The following KTN1 variants were observed in gnomAD, a reference collection of about 807,000 sequenced individuals.
KTN1 encodes kinectin.
KTN1 carries 130 observed loss-of-function variants against 222.5 expected under a neutral mutation model. The observed-to-expected ratio is 0.58, with a 90% CI of 0.51 to 0.68. The LOEUF is 0.68. KTN1 is among the 30% of genes least tolerant of loss of function. The pLI, the probability that KTN1 is intolerant of heterozygous loss-of-function variation, is 0.00. For synonymous variants in KTN1, 512 were observed against 496.3 expected (o/e 1.03, Z -0.42); for missense variants, 1,508 against 1,500.4 (o/e 1.01, Z -0.08).
chr14:55,639,052 A>C, intron 12 of KTN1, 133 bp from the exon 13 acceptor site: 1 of 575,722 alleles, frequency 1.7e-6, no homozygotes, highest in Non-Finnish European at 3.1e-6. Context: ...TTGAACACTT[A>C]CCATGGGCCA....
rs568599948 is a variant in KTN1, at chr14:55,593,990, G to A, written c.-31+13636G>A. ...TTCCTGGTTCCTTCTTCCCTCTACT[G>A]CACTTAAGATATGGGTTACTGTTTT... is the stretch of plus-strand genomic sequence containing the variant. On this transcript the variant is annotated intron_variant, in intron 1 of 43. Transcript: ENST00000395314. Among the ~76,000 whole-genome samples the A allele has an allele frequency of 2.6e-5, 4 of 152,124 alleles. 1 individual carries two copies. The South Asian group carries it at 8.3e-4, about 32-fold the overall frequency.
Position 55,641,755 on chromosome 14 carries a change from G to A in KTN1, c.2167G>A (p.Glu723Lys). 1 of 1,572,694 alleles carries A rather than the reference G, an allele frequency of 6.4e-7. No individual in the cohort carries two copies. The highest frequency in any genetic ancestry group is 1.1e-5 in the South Asian group (1 of 90,192). Residue 723 changes from glutamate to lysine, a missense_variant, in exon 18 of 44, where the codon GAA (glutamate) becomes AAA (lysine). Coordinates refer to ENST00000395314, the MANE Select transcript of KTN1 (RefSeq NM_001079521.2). ...EVQKLQTLVS[E>K]QPNKDVVEQM... ...TCAGAAGCTACAGACTCTTGTTTCT[G>A]AACAGGTAAGGCTTTTCCTAAATTA...
At chr14:55,665,219 G>A (rs552501908) in intron 33 of KTN1, among the ~76,000 whole-genome samples, 1 of 152,108 alleles carries the variant, frequency 6.6e-6, no homozygotes, top group African/African-American at 2.4e-5. Flanking sequence ...ATTTCTGTCA[G>A]CGATGAGGGT....
chr14:55,586,468 A>G (rs2033026252), intron 1 of KTN1, among the ~76,000 whole-genome samples: 1 of 152,206 alleles, frequency 6.6e-6, no homozygotes, highest in Non-Finnish European at 1.5e-5. Context: ...TGAGGTAGGT[A>G]CTATTTGGTG....
At chr14:55,646,476 TTTCC>T (rs763484122) in intron 18 of KTN1, among the ~76,000 whole-genome samples, 5,779 of 64,292 alleles carry the variant, frequency 0.09, 458 homozygotes, top group African/African-American at 0.17. Flanking sequence ...TTTCCTTTCC[TTTCC>T]TTTCCTTTCC....
At chr14:55,597,834 A>G (rs2035309655) in intron 1 of KTN1, among the ~76,000 whole-genome samples, 1 of 151,828 alleles carries the variant, frequency 6.6e-6, no homozygotes, top group Non-Finnish European at 1.5e-5. Context: ...AGTCTAGGCG[A>G]CAGTCAGACC....
intron 5 of KTN1, among the ~76,000 whole-genome samples, chr14:55,627,325 T>C (rs2039967176): frequency 6.6e-6 from 1 of 152,224 alleles, no homozygotes; most frequent in Non-Finnish European, 1.5e-5. Flanking sequence ...AATATTTCAC[T>C]GATCAGTATT....
intron 1 of KTN1, among the ~76,000 whole-genome samples, chr14:55,610,873 T>A (rs547990087): frequency 6.6e-6 from 1 of 152,364 alleles, no homozygotes; most frequent in East Asian, 1.9e-4. Flanking sequence ...ATGTTGGTAG[T>A]CAAATTACAT....
At chr14:55,635,439 G>A (rs2041011338) in intron 9 of KTN1, among the ~76,000 whole-genome samples, 1 of 152,182 alleles carries the variant, frequency 6.6e-6, no homozygotes, top group Non-Finnish European at 1.5e-5. Flanking sequence ...CACTGGAATA[G>A]GTAGTTTTTC....
chr14:55,597,794 C>T (rs2035301387), intron 1 of KTN1, among the ~76,000 whole-genome samples: 1 of 151,860 alleles, frequency 6.6e-6, no homozygotes, highest in Non-Finnish European at 1.5e-5. Flanking sequence ...GGGGAGGATG[C>T]AGTGAGCTGA....
intron 30 of KTN1, 77 bp from the exon 31 acceptor site, chr14:55,659,589 A>G (rs1277387614): frequency 1.4e-5 from 12 of 881,314 alleles, no homozygotes; most frequent in Non-Finnish European, 2.1e-5. Flanking sequence ...TTCTTAATTT[A>G]TATTTGAGAA....
At chr14:55,630,531 G>C (rs1413045738) in intron 7 of KTN1, among the ~76,000 whole-genome samples, 4 of 152,128 alleles carry the variant, frequency 2.6e-5, no homozygotes, top group Non-Finnish European at 5.9e-5. Context: ...TGGGACCCAG[G>C]ACTGAGCTTT....
chr14:55,657,083 A>G (rs182474576), intron 29 of KTN1, among the ~76,000 whole-genome samples: 3 of 152,314 alleles, frequency 2.0e-5, no homozygotes, highest in African/African-American at 4.8e-5. Flanking sequence ...CTCACATTAC[A>G]TGCTTCAAGG....
intron 18 of KTN1, among the ~76,000 whole-genome samples, chr14:55,646,034 C>T (rs1165677208): frequency 1.3e-5 from 2 of 152,060 alleles, no homozygotes; most frequent in Non-Finnish European, 2.9e-5. Flanking sequence ...GGTCAGGCTG[C>T]TTGGCTGTCT....
At chr14:55,610,683 C>T (rs565193652) in intron 1 of KTN1, among the ~76,000 whole-genome samples, 18 of 152,192 alleles carry the variant, frequency 1.2e-4, no homozygotes, top group African/African-American at 4.3e-4. Flanking sequence ...GTATTATATA[C>T]CTTGTCTTTT....
chr14:55,639,287 G>A (rs1374014024), intron 13 of KTN1, 65 bp downstream of exon 13: 33 of 1,112,820 alleles, frequency 3.0e-5, no homozygotes, highest in Middle Eastern at 4.0e-4. Context: ...TGTTAGATGC[G>A]ACACTTATGA....
At chr14:55,599,753 G>A (rs566684949) in intron 1 of KTN1, among the ~76,000 whole-genome samples, 429 of 152,204 alleles carry the variant, frequency 2.8e-3, no homozygotes, top group Non-Finnish European at 3.8e-3. Flanking sequence ...TTTGTGGTAG[G>A]AAGGGGGCAG....
At chr14:55,599,070 A>G (rs570412771) in intron 1 of KTN1, among the ~76,000 whole-genome samples, 3 of 152,154 alleles carry the variant, frequency 2.0e-5, no homozygotes, top group Admixed American at 2.0e-4. Flanking sequence ...TGATAATTCA[A>G]CTTTATATAG....
chr14:55,603,749 C>T (rs543613144), intron 1 of KTN1, among the ~76,000 whole-genome samples: 2 of 152,312 alleles, frequency 1.3e-5, no homozygotes, highest in South Asian at 4.1e-4. Context: ...TTAGCTGTCT[C>T]CTGGACATCT....
Sources: gnomAD v4.1 joint callset for allele counts (sites outside exome capture counted in the v4.1 genomes callset) on GRCh38, gnomAD v4.1.1 for gene constraint, MANE v1.5 for transcripts, NCBI Gene and HGNC (gene_info 2026-07-23, HGNC 2026-07-21) for gene names.